The following CBX6 variants were observed in gnomAD, a reference collection of about 807,000 sequenced individuals.
CBX6 encodes chromobox protein homolog 6.
In CBX6, 7 loss-of-function variants were observed where a neutral mutation model predicts 28.4. The ratio of observed to expected loss-of-function variants is 0.25; its 90% CI spans 0.14 to 0.46. The LOEUF (loss-of-function observed/expected upper bound fraction) is 0.46. Among genes scored for constraint, CBX6 ranks in the 20% least tolerant of loss-of-function variants. The probability of loss-of-function intolerance (pLI) is 0.99; values close to 1 mark genes in which losing one functional copy is unlikely to be tolerated. For synonymous variants in CBX6, 297 were observed against 273.4 expected (o/e 1.09, Z -0.85); for missense variants, 512 against 606.1 (o/e 0.84, Z 1.63).
In CBX6 at chr22:38,871,395, G is replaced by C; in HGVS notation, c.246+85C>G. On this transcript the variant is annotated intron_variant, in intron 4 of 4. Coordinates refer to ENST00000407418, the MANE Select transcript of CBX6 (RefSeq NM_014292.5). The surrounding 1 kb of genome is among the most constrained non-coding windows in gnomAD (Gnocchi z 5.6). ...AAGGCCGGCCCGCTTGGGCGGCCGC[G>C]TATCTGTCCCTCCCTTCCAGGCCCC... is the stretch of plus-strand genomic sequence containing the variant. 7.2e-7 allele frequency: 1 copy of C among 1,386,086 alleles called. No individual in the cohort carries two copies. Among genetic ancestry groups the C allele is most frequent in the Non-Finnish European group, 9.9e-7 (1 of 1,010,014 alleles). 85.9% of individuals were successfully genotyped at this position (1,386,086 alleles called of 1,614,324 possible). A position where few individuals can be genotyped will look rare whatever the true frequency, so the allele number is the denominator to read the frequency against.
Position 38,871,317 on chromosome 22 carries a change from G to T in CBX6, c.246+163C>A. On this transcript the variant is annotated intron_variant, in intron 4 of 4. Transcript: ENST00000407418. The surrounding 1 kb of genome is among the most constrained non-coding windows in gnomAD (Gnocchi z 5.6). ...GATGCTGGCTGAGGCCTGCCATCAG[G>T]GGCTTCTGGGGGGGCTCACAACCAC... 1 of 680,332 alleles carries T rather than the reference G, an allele frequency of 1.5e-6. No individual in the cohort carries two copies. Among genetic ancestry groups the T allele is most frequent in the South Asian group, 1.6e-5 (1 of 61,696 alleles). The allele number at this position is 680,332 out of a possible 1,614,324, so 42.1% of individuals were successfully genotyped here.
intron 4 of CBX6, 27 bp from the exon 5 acceptor site, chr22:38,867,228 G>GGGGGTTGGGGGGGGGGGGGGGGCC: frequency 1.9e-6 from 1 of 518,866 alleles, no homozygotes; most frequent in African/African-American, 2.0e-5. Context: ...GGGTGGGTGG[G>GGGGGTTGGGGGGGGGGGGGGGGCC]ACCTCAGGAC....
Position 38,871,710 on chromosome 22 carries a change from A to G in CBX6, c.161T>C (p.Ile54Thr). 2 of 1,613,352 alleles carry G rather than the reference A, an allele frequency of 1.2e-6. No individual in the cohort carries two copies. Among genetic ancestry groups the G allele is most frequent in the Non-Finnish European group, 8.5e-7 (1 of 1,179,622 alleles). The part of the protein sequence containing the change: ...PEENILDSRL[I>T]AAFEQKERER... ...AACTCACTTTTGTTCGAAGGCTGCA[A>G]TGAGCCGCGAGTCCAGGATGTTCTC... Residue 54 changes from isoleucine (I) to threonine (T), a missense_variant, in exon 3 of 5, where the codon ATT becomes ACT. Coordinates refer to ENST00000407418, the MANE Select transcript of CBX6 (RefSeq NM_014292.5). This position sits in a 1 kb window ranked among gnomAD's most constrained non-coding sequence, Gnocchi z 5.6.
rs780226086 is a variant in CBX6, at chr22:38,866,975, C to T, written c.473G>A (p.Arg158His). 6.2e-7 allele frequency: 1 copy of T among 1,608,790 alleles called. No homozygotes were observed. Residue 158 changes from arginine (R) to histidine (H), a missense_variant, in exon 5 of 5, where the codon CGC becomes CAC. Transcript: ENST00000407418. The surrounding 1 kb of genome is among the most constrained non-coding windows in gnomAD (Gnocchi z 7.5). Reference sequence around the variant, plus strand: ...CGGCTTCACCTTGCGGTTGATGATGCGCACCGTCTCCGAGAAGGGCGAAAT... The same window carrying T: ...CGGCTTCACCTTGCGGTTGATGATGTGCACCGTCTCCGAGAAGGGCGAAAT... ...PPISPFSETVRIINRKVKPRE... is the reference protein window; with the variant it reads ...PPISPFSETVHIINRKVKPRE...
rs2146212970 is a variant in CBX6 at position 38,866,465 on chromosome 22, G to A, written c.983C>T (p.Ala328Val). 6.2e-7 allele frequency: 1 copy of A among 1,604,478 alleles called. No individual in the cohort carries two copies. The highest frequency in any genetic ancestry group is 1.7e-5 in the Admixed American group (1 of 59,450). The change falls in exon 5 of 5, where the codon GCA becomes GTA. Residue 328 changes from alanine to valine, a missense_variant. Transcript: ENST00000407418. This position sits in a 1 kb window ranked among gnomAD's most constrained non-coding sequence, Gnocchi z 7.5. ...PPESAATSKR[A>V]PPEVTAAAGP... ...GGCAGCAGCTGTGACCTCAGGCGGT[G>A]CCCGCTTGCTGGTGGCTGCCGACTC...
chr22:38,869,392 G>C lies in CBX6; in HGVS notation c.246+2088C>G, dbSNP rs919233535. 3.9e-5 allele frequency among the ~76,000 whole-genome samples: 6 copies of C among 152,184 alleles called. No homozygotes were observed. The East Asian group carries it at 1.2e-3, about 29-fold the overall frequency. On this transcript the variant is annotated intron_variant, in intron 4 of 4. Coordinates refer to ENST00000407418, the MANE Select transcript of CBX6 (RefSeq NM_014292.5). ...TGAACCATCACAGGGCCTACTACGG[G>C]CACTCCTATGATGATCAGAGAGTAC... is the stretch of plus-strand genomic sequence containing the variant.
Position 38,870,507 on chromosome 22 carries a change from C to T in CBX6, c.246+973G>A, listed in dbSNP as rs1210956313. The T allele has an allele frequency of 1.3e-5, 2 of 152,246 alleles. No individual in the cohort carries two copies. Among genetic ancestry groups the T allele is most frequent in the Non-Finnish European group, 2.9e-5 (2 of 68,046 alleles). The allele number at this position is 152,246 out of a possible 1,614,324, so 9.4% of individuals were successfully genotyped here. A position where few individuals can be genotyped will look rare whatever the true frequency, so the allele number is the denominator to read the frequency against. On this transcript the variant is annotated intron_variant, in intron 4 of 4. Transcript: ENST00000407418. This position sits in a 1 kb window ranked among gnomAD's most constrained non-coding sequence, Gnocchi z 4.3. ...AGAAGCATCAGGGTTAAGGTTACTC[C>T]CTGGATCCCCTAGGATGTGCGTCGC...
At chr22:38,868,473 T>C (rs1310609694) in intron 4 of CBX6, among the ~76,000 whole-genome samples, 1 of 152,216 alleles carries the variant, frequency 6.6e-6, no homozygotes, top group Non-Finnish European at 1.5e-5. Context: ...TTCCAGAGGC[T>C]GCGGTGGCCT....
At position 38,863,016 on chromosome 22, in the gene CBX6, G is replaced by A. The variant is rs1331249448; in HGVS notation, c.*3193C>T. On this transcript the variant is annotated 3_prime_UTR_variant, in exon 5 of 5. Coordinates refer to ENST00000407418, the MANE Select transcript of CBX6 (RefSeq NM_014292.5). ...TCTTCCCAGATCATAGGAAGGATGAGGCTCATTTTGACCTTGACCCCTTTG... is the reference window on the plus strand; with the variant it reads ...TCTTCCCAGATCATAGGAAGGATGAAGCTCATTTTGACCTTGACCCCTTTG... 2 of 152,374 alleles carry A rather than the reference G, an allele frequency of 1.3e-5. No homozygotes were observed. The highest frequency in any genetic ancestry group is 3.9e-4 in the East Asian group (2 of 5,182). 9.4% of individuals were successfully genotyped at this position (152,374 alleles called of 1,614,324 possible).
chr22:38,869,342 C>CA (rs1376262133), intron 4 of CBX6, among the ~76,000 whole-genome samples: 5 of 152,274 alleles, frequency 3.3e-5, no homozygotes, highest in Middle Eastern at 6.8e-3. Flanking sequence ...AACCCTGGCT[C>CA]AGTGAGTCTC....
Position 38,871,375 on chromosome 22 carries a change from C to T in CBX6, c.246+105G>A, listed in dbSNP as rs780699452. The stretch of plus-strand genomic sequence containing the variant: ...CCAGCTGGGGCCCCTCTGAAAAGGC[C>T]GGCCCGCTTGGGCGGCCGCGTATCT... On this transcript the variant is annotated intron_variant, in intron 4 of 4. Transcript: ENST00000407418. The surrounding 1 kb of genome is among the most constrained non-coding windows in gnomAD (Gnocchi z 5.6). 4.1e-6 allele frequency: 5 copies of T among 1,215,508 alleles called. No individual in the cohort carries two copies. The highest frequency in any genetic ancestry group is 2.8e-5 in the South Asian group (2 of 71,064). The allele number at this position is 1,215,508 out of a possible 1,614,324, so 75.3% of individuals were successfully genotyped here.
rs2093168946 is a variant in CBX6 at position 38,866,210 on chromosome 22, C to T, written c.1238G>A (p.Ter413=). The T allele has an allele frequency of 6.2e-7, 1 of 1,600,548 alleles. No individual in the cohort carries two copies. The highest frequency in any genetic ancestry group is 8.5e-7 in the Non-Finnish European group (1 of 1,172,862). The change falls in exon 5 of 5, where the codon TGA becomes TAA. Residue 413 remains the stop codon, a stop_retained_variant. Coordinates refer to ENST00000407418, the MANE Select transcript of CBX6 (RefSeq NM_014292.5). The surrounding 1 kb of genome is among the most constrained non-coding windows in gnomAD (Gnocchi z 7.5). Reference sequence around the variant, plus strand: ...GCCCCCCTCCTTGGTGGAGCCCCCTCACTTGCTCGCCCCAATGCTGCCACC... The same window carrying T: ...GCCCCCCTCCTTGGTGGAGCCCCCTTACTTGCTCGCCCCAATGCTGCCACC... ...GGGGSIGASK[*]
At position 38,872,201 on chromosome 22, in the gene CBX6, G is replaced by C. The variant is rs377030092; in HGVS notation, c.-11C>G. On this transcript the variant is annotated 5_prime_UTR_variant, in exon 1 of 5. Coordinates refer to ENST00000407418, the MANE Select transcript of CBX6 (RefSeq NM_014292.5). This position sits in a 1 kb window ranked among gnomAD's most constrained non-coding sequence, Gnocchi z 5.0. Reference sequence around the variant, plus strand: ...TGCAGACAGCTCCATCTTGCTCAGCGGCACCCACAGCCCATAATACTCCCT... The same window carrying C: ...TGCAGACAGCTCCATCTTGCTCAGCCGCACCCACAGCCCATAATACTCCCT... The C allele has an allele frequency of 2.9e-6, 4 of 1,387,184 alleles. No individual in the cohort carries two copies. Among genetic ancestry groups the C allele is most frequent in the Admixed American group, 2.4e-5 (1 of 42,146 alleles). 85.9% of individuals were successfully genotyped at this position (1,387,184 alleles called of 1,614,324 possible).
At chr22:38,867,227 G>GCA in intron 4 of CBX6, 26 bp from the exon 5 acceptor site, 2 of 881,776 alleles carry the variant, frequency 2.3e-6, no homozygotes, top group Non-Finnish European at 3.3e-6. Flanking sequence ...GGGGTGGGTG[G>GCA]GACCTCAGGA....
Position 38,865,096 on chromosome 22 carries a change from G to A in CBX6, c.*1113C>T, listed in dbSNP as rs1046013753. ...GGCTGGGACAAGCCGGGAGGCCCTC[G>A]GGAATGGATTCTTCAGCATCCTCCC... On this transcript the variant is annotated 3_prime_UTR_variant, in exon 5 of 5. Coordinates refer to ENST00000407418, the MANE Select transcript of CBX6 (RefSeq NM_014292.5). 3 of 152,428 alleles carry A rather than the reference G, an allele frequency of 2.0e-5. No individual in the cohort carries two copies. Among genetic ancestry groups the A allele is most frequent in the Admixed American group, 6.5e-5 (1 of 15,310 alleles). The allele number at this position is 152,428 out of a possible 1,614,324, so 9.4% of individuals were successfully genotyped here. A position where few individuals can be genotyped will look rare whatever the true frequency, so the allele number is the denominator to read the frequency against.
intron 4 of CBX6, among the ~76,000 whole-genome samples, chr22:38,868,779 C>T (rs1216489120): frequency 2.0e-5 from 3 of 152,156 alleles, no homozygotes; most frequent in Non-Finnish European, 1.5e-5. Context: ...CTCTCTACCT[C>T]CCACTCCCCA....
Position 38,872,204 on chromosome 22 carries a change from AC to A in CBX6, c.-15del. 7.2e-7 allele frequency: 1 copy of A among 1,384,486 alleles called. No individual in the cohort carries two copies. The highest frequency in any genetic ancestry group is 2.4e-5 in the Admixed American group (1 of 42,164). The allele number at this position is 1,384,486 out of a possible 1,614,324, so 85.8% of individuals were successfully genotyped here. ...AGACAGCTCCATCTTGCTCAGCGGC[AC>A]CCACAGCCCATAATACTCCCTGCGC... On this transcript the variant is annotated 5_prime_UTR_variant, in exon 1 of 5. It removes the in-frame stop codon of an upstream open reading frame in the 5' UTR. Coordinates refer to ENST00000407418, the MANE Select transcript of CBX6 (RefSeq NM_014292.5). This position sits in a 1 kb window ranked among gnomAD's most constrained non-coding sequence, Gnocchi z 5.0.
chr22:38,871,610 T>G lies in CBX6; in HGVS notation c.180-64A>C. 6.2e-7 allele frequency: 1 copy of G among 1,610,562 alleles called. No homozygotes were observed. Among genetic ancestry groups the G allele is most frequent in the Non-Finnish European group, 8.5e-7 (1 of 1,177,704 alleles). On this transcript the variant is annotated intron_variant, in intron 3 of 4. Transcript: ENST00000407418. The surrounding 1 kb of genome is among the most constrained non-coding windows in gnomAD (Gnocchi z 5.6). ...TCCCGGGCCCCACTCCGCGCTGCCC[T>G]CCCCGGCTCTCCCGCTTCCCCGCGC...
intron 4 of CBX6, among the ~76,000 whole-genome samples, chr22:38,868,399 G>A (rs1389540559): frequency 2.0e-5 from 3 of 152,186 alleles, no homozygotes; most frequent in African/African-American, 4.8e-5. Flanking sequence ...ATCAAAGCCC[G>A]GCCCTGACAC....
Sources: gnomAD v4.1 joint callset for allele counts (sites outside exome capture counted in the v4.1 genomes callset) on GRCh38, gnomAD v4.1.1 for gene constraint, Gnocchi (gnomAD v3.1) non-coding constraint, MANE v1.5 for transcripts, NCBI Gene and HGNC (gene_info 2026-07-23, HGNC 2026-07-21) for gene names.